PRLR: variants seen among roughly 807,000 people sequenced by gnomAD.
PRLR encodes the protein prolactin receptor, also known as hPRL receptor.
PRLR carries 13 observed loss-of-function variants against 40.2 expected under a neutral mutation model. The ratio of observed to expected loss-of-function variants is 0.32; its 90% CI spans 0.21 to 0.51. The LOEUF is 0.51. Ranked by LOEUF, PRLR falls within the 20% of genes least tolerant of loss-of-function variation. The pLI is 0.97. For synonymous variants in PRLR, 269 were observed against 278.7 expected (o/e 0.97, Z 0.35); for missense variants, 656 against 747.3 (o/e 0.88, Z 1.42).
At chr5:35,174,716 T>C (rs1288518994) in intron 1 of PRLR, among the ~76,000 whole-genome samples, 2 of 152,178 alleles carry the variant, frequency 1.3e-5, no homozygotes, top group Admixed American at 1.3e-4. Context: ...CAGAACCTTA[T>C]TCCTATGACC....
chr5:35,175,065 A>G (rs1235662411), intron 1 of PRLR, among the ~76,000 whole-genome samples: 3 of 152,226 alleles, frequency 2.0e-5, no homozygotes, highest in African/African-American at 7.2e-5. Flanking sequence ...TATCCCAATT[A>G]AAGATAAATG....
chr5:35,142,087 C>T (rs11739145), intron 1 of PRLR, among the ~76,000 whole-genome samples: 1 of 152,164 alleles, frequency 6.6e-6, no homozygotes, highest in Non-Finnish European at 1.5e-5. Context: ...GTACAAGTGA[C>T]TTTTGGAAGC....
rs368265470 is a variant in PRLR at position 35,068,235 on chromosome 5, A to G, written c.836T>C (p.Phe279Ser). 74 of 1,613,018 alleles carry G rather than the reference A, an allele frequency of 4.6e-5. No individual in the cohort carries two copies. Among genetic ancestry groups the G allele is most frequent in the Non-Finnish European group, 6.1e-5 (72 of 1,179,112 alleles). Residue 279 changes from phenylalanine (F) to serine (S), a missense_variant, in exon 9 of 10, where the codon TTT becomes TCT. Transcript: ENST00000618457. ...PPVPGPKIKG[F>S]DAHLLEKGKS... is the part of the protein sequence containing the mutation. ...ACTTACCTCCAACAGATGAGCATCA[A>G]ATCCTTTTATTTTTGGCCCAGGAAC...
At chr5:35,211,408 T>C (rs1020201232) in intron 1 of PRLR, among the ~76,000 whole-genome samples, 1 of 152,160 alleles carries the variant, frequency 6.6e-6, no homozygotes, top group Non-Finnish European at 1.5e-5. Context: ...GATGGAGGCA[T>C]AAAATGTTCA....
downstream of PRLR, among the ~76,000 whole-genome samples, chr5:35,051,743 A>G (rs1044810292): frequency 6.6e-6 from 1 of 152,228 alleles, no homozygotes; most frequent in Admixed American, 6.5e-5. Flanking sequence ...AGAACTGTTT[A>G]GCCACCAAAA....
At chr5:35,078,085 G>A (rs1770237865) in intron 5 of PRLR, among the ~76,000 whole-genome samples, 1 of 152,124 alleles carries the variant, frequency 6.6e-6, no homozygotes, top group Non-Finnish European at 1.5e-5. Context: ...AGCACTAAAT[G>A]CCCACAAGAG....
intron 1 of PRLR, among the ~76,000 whole-genome samples, chr5:35,120,960 G>A (rs975445075): frequency 6.6e-6 from 1 of 152,194 alleles, no homozygotes; most frequent in African/African-American, 2.4e-5. Flanking sequence ...GCTTGGCTGT[G>A]TTCCAATAAA....
intron 2 of PRLR, among the ~76,000 whole-genome samples, chr5:35,113,273 T>C (rs1772787180): frequency 8.0e-6 from 1 of 124,904 alleles, no homozygotes; most frequent in South Asian, 2.8e-4. Context: ...ACCCACCCAT[T>C]TATCCATCCA....
chr5:35,096,422 G>A (rs1771537814), intron 2 of PRLR, among the ~76,000 whole-genome samples: 1 of 152,092 alleles, frequency 6.6e-6, no homozygotes, highest in African/African-American at 2.4e-5. Flanking sequence ...TAGGACAGAT[G>A]GTGGAAAACC....
chr5:35,160,610 CA>C (rs1774646554), intron 1 of PRLR, among the ~76,000 whole-genome samples: 1 of 152,176 alleles, frequency 6.6e-6, no homozygotes, highest in Non-Finnish European at 1.5e-5. Flanking sequence ...ACAAGATATG[CA>C]AATTCCCCAA....
intron 7 of PRLR, 96 bp from the exon 8 acceptor site, chr5:35,068,974 C>T: frequency 1.2e-6 from 1 of 839,728 alleles, no homozygotes; most frequent in South Asian, 1.9e-5. Flanking sequence ...AGAGTGTTTT[C>T]CTCCATTCAT....
intron 1 of PRLR, among the ~76,000 whole-genome samples, chr5:35,167,564 T>C (rs140540672): frequency 0.022 from 3,289 of 152,150 alleles, 63 homozygotes; most frequent in Non-Finnish European, 0.031. Flanking sequence ...AAAAAGAAAG[T>C]TCATTGAAAA....
intron 7 of PRLR, 46 bp from the exon 8 acceptor site, chr5:35,068,924 T>A (rs771397052): frequency 7.1e-7 from 1 of 1,409,592 alleles, no homozygotes; most frequent in Non-Finnish European, 1.0e-6. Context: ...ACAGCATCAT[T>A]AAAAACAAAC....
intron 1 of PRLR, among the ~76,000 whole-genome samples, chr5:35,140,863 T>C (rs1311449929): frequency 6.6e-6 from 1 of 152,178 alleles, no homozygotes; most frequent in Admixed American, 6.5e-5. Context: ...CTCTGTTTCT[T>C]CTTTATCAGT....
chr5:35,202,924 C>G (rs1775918550), intron 1 of PRLR, among the ~76,000 whole-genome samples: 1 of 152,150 alleles, frequency 6.6e-6, no homozygotes, highest in Non-Finnish European at 1.5e-5. Context: ...AATACCAGTG[C>G]AAATTCCTTT....
intron 1 of PRLR, among the ~76,000 whole-genome samples, chr5:35,186,327 T>C (rs1237908089): frequency 6.6e-6 from 1 of 152,246 alleles, no homozygotes; most frequent in African/African-American, 2.4e-5. Flanking sequence ...CTATTTCTAT[T>C]GGGTGTGCTG....
At chr5:35,087,739 G>A (rs1299902786) in intron 3 of PRLR, among the ~76,000 whole-genome samples, 1 of 152,092 alleles carries the variant, frequency 6.6e-6, no homozygotes, top group Non-Finnish European at 1.5e-5. Context: ...AATCCCCAAA[G>A]CTCTTGGCAA....
intron 9 of PRLR, among the ~76,000 whole-genome samples, chr5:35,067,792 T>A (rs1405937320): frequency 6.6e-6 from 1 of 152,100 alleles, no homozygotes; most frequent in South Asian, 2.1e-4. Context: ...ATAATGGCAA[T>A]GGGATATTCT....
intron 2 of PRLR, among the ~76,000 whole-genome samples, chr5:35,115,211 C>T (rs934727996): frequency 1.3e-5 from 2 of 152,132 alleles, no homozygotes; most frequent in African/African-American, 4.8e-5. Flanking sequence ...CTGTATCAGA[C>T]AGTACAGGTC....
Sources: allele counts gnomAD v4.1 joint callset (sites outside exome capture counted in the v4.1 genomes callset), GRCh38; gene constraint gnomAD v4.1.1; transcripts MANE v1.5; gene names NCBI Gene and HGNC (gene_info 2026-07-23, HGNC 2026-07-21).